Variants in BABAM2 observed in about 807,000 individuals in gnomAD.
BABAM2 encodes BRISC and BRCA1 A complex member 2.
BABAM2 carries 31 observed loss-of-function variants against 54.7 expected under a neutral mutation model. The observed-to-expected ratio is 0.57, with a 90% CI of 0.43 to 0.77. BABAM2 has a LOEUF of 0.77. Among genes scored for constraint, BABAM2 ranks in the 30% least tolerant of loss-of-function variants. The pLI is 0.00. For missense variants in BABAM2, 364 were observed against 455.8 expected (o/e 0.80, Z 1.83); for synonymous variants, 167 against 162.9 (o/e 1.03, Z -0.19).
chr2:28,231,785 CTTTTTT>C (rs549515372), intron 7 of BABAM2, among the ~76,000 whole-genome samples: 310 of 57,428 alleles, frequency 5.4e-3, no homozygotes, highest in Non-Finnish European at 7.2e-3. Flanking sequence ...AGAGAGATGT[CTTTTTT>C]TTTTTTTTTT....
intron 6 of BABAM2, among the ~76,000 whole-genome samples, chr2:28,096,176 C>T (rs896270655): frequency 5.3e-5 from 8 of 151,964 alleles, no homozygotes; most frequent in East Asian, 3.9e-4. Context: ...TCCTCACAAC[C>T]GAGTGAGCAG....
intron 11 of BABAM2, among the ~76,000 whole-genome samples, chr2:28,315,664 ATT>A (rs568389461): frequency 7.1e-6 from 1 of 140,450 alleles, no homozygotes. Context: ...TTTATTTTTT[ATT>A]TTTTTTTTTA....
intron 4 of BABAM2, among the ~76,000 whole-genome samples, chr2:27,992,474 A>G (rs1340314126): frequency 4.6e-5 from 7 of 152,198 alleles, no homozygotes; most frequent in African/African-American, 1.7e-4. Context: ...TAAGACGTAG[A>G]TATCTAAAAG....
At chr2:28,026,843 A>AATATATATTAATATATATATAGAT (rs1675761840) in intron 5 of BABAM2, among the ~76,000 whole-genome samples, 1 of 40,650 alleles carries the variant, frequency 2.5e-5, no homozygotes, top group Non-Finnish European at 4.7e-5. Flanking sequence ...AATATATATA[A>AATATATATTAATATATATATAGAT]ATATATATTT....
chr2:28,110,015 C>T (rs1246949446), intron 6 of BABAM2, among the ~76,000 whole-genome samples: 1 of 152,068 alleles, frequency 6.6e-6, no homozygotes, highest in Non-Finnish European at 1.5e-5. Flanking sequence ...AAAACTAAAA[C>T]TCTAAACCTG....
chr2:28,076,469 T>G lies in BABAM2; in HGVS notation c.570+30670T>G, dbSNP rs536651394. Reference sequence around the variant, plus strand: ...AAAATTTTTATTTTATATTTATTTATTTATTTATTTATTTAGTTAGTTAGT... The same window carrying G: ...AAAATTTTTATTTTATATTTATTTAGTTATTTATTTATTTAGTTAGTTAGT... On this transcript the variant is annotated intron_variant, in intron 6 of 11. Coordinates refer to ENST00000379624, the MANE Select transcript of BABAM2 (RefSeq NM_199191.3). 2.9e-4 allele frequency among the ~76,000 whole-genome samples: 34 copies of G among 115,590 alleles called. No individual in the cohort carries two copies. In the South Asian group the frequency reaches 0.012, roughly 42 times the overall value. The allele number at this position is 115,590 out of a possible 152,430, so 75.8% of individuals were successfully genotyped here. A position where few individuals can be genotyped will look rare whatever the true frequency, so the allele number is the denominator to read the frequency against.
intron 2 of BABAM2, among the ~76,000 whole-genome samples, chr2:27,903,494 A>G (rs1665963721): frequency 6.6e-6 from 1 of 152,230 alleles, no homozygotes; most frequent in African/African-American, 2.4e-5. Context: ...ATGAGAGGCA[A>G]ATTGAGAATT....
chr2:27,890,251 A>G (rs201634958), upstream of BABAM2: 1 of 1,613,200 alleles, frequency 6.2e-7, no homozygotes, highest in Non-Finnish European at 8.5e-7. This position sits in a 1 kb window ranked among gnomAD's most constrained non-coding sequence, Gnocchi z 4.8. Flanking sequence ...CTGGCCCCGG[A>G]CTAACCTGAC....
intron 3 of BABAM2, among the ~76,000 whole-genome samples, chr2:27,957,374 T>C (rs1356000300): frequency 1.3e-5 from 2 of 152,194 alleles, no homozygotes; most frequent in African/African-American, 2.4e-5. Context: ...TCATAATCTT[T>C]CCAGCATTCT....
Position 28,026,968 on chromosome 2 carries a change from A to AAATATATAT in BABAM2, c.495+1548_495+1549insAATATATAT, listed in dbSNP as rs372690455. 5.7e-4 allele frequency among the ~76,000 whole-genome samples: 37 copies of AAATATATAT among 64,760 alleles called. 2 individuals carry two copies. Among genetic ancestry groups the AAATATATAT allele is most frequent in the African/African-American group, 2.0e-3 (33 of 16,200 alleles). 42.5% of individuals were successfully genotyped at this position (64,760 alleles called of 152,430 possible). On this transcript the variant is annotated intron_variant, in intron 5 of 11. Transcript: ENST00000379624. ...TATATTAATATATATAAATATATATATAAATATATAAATATATATAAAAAT... is the reference window on the plus strand; with the variant it reads ...TATATTAATATATATAAATATATATAAATATATATTAAATATATAAATATATATAAAAAT...
At chr2:28,087,657 T>G (rs1665777424) in intron 6 of BABAM2, among the ~76,000 whole-genome samples, 1 of 143,300 alleles carries the variant, frequency 7.0e-6, no homozygotes. Flanking sequence ...ATATGAGGTG[T>G]TTTTTTTTTT....
At chr2:28,065,116 C>T (rs574074323) in intron 6 of BABAM2, among the ~76,000 whole-genome samples, 28 of 152,096 alleles carry the variant, frequency 1.8e-4, no homozygotes, top group African/African-American at 4.6e-4. Flanking sequence ...CAAATCAAGG[C>T]GGTTTAACTT....
At chr2:28,124,642 T>G (rs1189284560) in intron 6 of BABAM2, among the ~76,000 whole-genome samples, 1 of 152,192 alleles carries the variant, frequency 6.6e-6, no homozygotes, top group East Asian at 1.9e-4. Context: ...GTTCACTAAT[T>G]TATTCATTCA....
At chr2:28,175,512 T>C (rs1026489036) in intron 7 of BABAM2, among the ~76,000 whole-genome samples, 1 of 152,176 alleles carries the variant, frequency 6.6e-6, no homozygotes. Flanking sequence ...GCCAGGGACC[T>C]GAAGATGGCC....
chr2:28,216,598 A>C (rs1679938429), intron 7 of BABAM2, among the ~76,000 whole-genome samples: 2 of 152,328 alleles, frequency 1.3e-5, no homozygotes, highest in South Asian at 4.1e-4. Context: ...TAGTGACAGA[A>C]GCCAACATCC....
intron 6 of BABAM2, among the ~76,000 whole-genome samples, chr2:28,115,530 G>A (rs945397104): frequency 3.9e-5 from 6 of 152,082 alleles, no homozygotes; most frequent in Admixed American, 3.3e-4. Flanking sequence ...GGAGGCGGAG[G>A]CAGGAGAATG....
At chr2:28,136,343 C>T (rs553267705) in intron 7 of BABAM2, among the ~76,000 whole-genome samples, 15 of 152,340 alleles carry the variant, frequency 9.8e-5, no homozygotes, top group Non-Finnish European at 1.8e-4. Flanking sequence ...CATATTGCCT[C>T]CCTGGACTCT....
chr2:27,890,593 T>G (rs571058235), upstream of BABAM2: 34 of 475,966 alleles, frequency 7.1e-5, no homozygotes, highest in African/African-American at 6.0e-4. This position sits in a 1 kb window ranked among gnomAD's most constrained non-coding sequence, Gnocchi z 4.8. Flanking sequence ...TCCTCGTCAC[T>G]CACGGGGCAG....
chr2:28,331,394 T>C (rs537882746), intron 11 of BABAM2, among the ~76,000 whole-genome samples: 3 of 152,070 alleles, frequency 2.0e-5, no homozygotes, highest in Admixed American at 6.5e-5. Context: ...ACCTACACAA[T>C]GGGAGAAAAA....
Sources: allele counts gnomAD v4.1 joint callset (sites outside exome capture counted in the v4.1 genomes callset), GRCh38; gene constraint gnomAD v4.1.1; non-coding constraint Gnocchi (gnomAD v3.1); transcripts MANE v1.5; gene names NCBI Gene and HGNC (gene_info 2026-07-23, HGNC 2026-07-21).